Variants in TUBGCP6 observed in about 807,000 individuals in gnomAD.
TUBGCP6 encodes the protein tubulin gamma complex component 6, also known as gamma-tubulin complex component 6.
In TUBGCP6, 161 loss-of-function variants were observed where a neutral mutation model predicts 175.8. The observed-to-expected ratio is 0.92, with a 90% confidence interval of 0.81 to 1.04. TUBGCP6 has a LOEUF of 1.04. Ranked by LOEUF, TUBGCP6 falls within the 50% of genes least tolerant of loss-of-function variation. The probability of loss-of-function intolerance (pLI) is 0.00; values close to 1 mark genes in which losing one functional copy is unlikely to be tolerated. For missense variants in TUBGCP6, 2,572 were observed against 2,433.0 expected (o/e 1.06, Z -1.20); for synonymous variants, 1,173 against 1,030.5 (o/e 1.14, Z -2.65).
rs1223878274 is a variant in TUBGCP6, at chr22:50,219,127, A to G, written c.4567T>C (p.Phe1523Leu). ...LEAHYEALRH[F>L]LLMEDGEFAQ... ...AACTCGCCGTCCTCCATCAGCAGGA[A>G]GTGCCGCAGTGCCTCATAGTGCGCC... The change falls in exon 20 of 25, where the codon TTC becomes CTC. Residue 1523 changes from phenylalanine (F) to leucine (L), a missense_variant. Coordinates refer to ENST00000248846, the MANE Select transcript of TUBGCP6 (RefSeq NM_020461.4). 1.2e-6 allele frequency: 2 copies of G among 1,613,158 alleles called. No individual in the cohort carries two copies. The highest frequency in any genetic ancestry group is 2.2e-5 in the East Asian group (1 of 44,880).
chr22:50,225,929 C>A lies in TUBGCP6; in HGVS notation c.1848G>T (p.Trp616Cys). The A allele has an allele frequency of 6.2e-7, 1 of 1,613,556 alleles. No homozygotes were observed. The highest frequency in any genetic ancestry group is 1.3e-5 in the African/African-American group (1 of 74,904). Residue 616 changes from tryptophan (W) to cysteine (C), a missense_variant, in exon 10 of 25, where the codon TGG becomes TGT. By Grantham distance (215) the Trp-to-Cys change is radical (BLOSUM62 -2). Coordinates refer to ENST00000248846, the MANE Select transcript of TUBGCP6 (RefSeq NM_020461.4). Reference protein sequence around the residue: ...KLCCPRHYLCWSDVPVPRISV... With the variant: ...KLCCPRHYLCCSDVPVPRISV... ...AGATCCGGGGGACAGGGACGTCGGA[C>A]CAACAGAGGTAATGCTGCCAAAGGG...
rs370051315 is a variant in TUBGCP6 at position 50,240,105 on chromosome 22, T to C, written c.905+99A>G. On this transcript the variant is annotated intron_variant, in intron 2 of 24. Coordinates refer to ENST00000248846, the MANE Select transcript of TUBGCP6 (RefSeq NM_020461.4). ...AGGTTACTAACCCATCACAACTGCC[T>C]GGACCCCTGAGTACACAACGCCCCC... is the stretch of plus-strand genomic sequence containing the variant. 430 of 1,526,898 alleles carry C rather than the reference T, an allele frequency of 2.8e-4. 2 individuals carry two copies. In the African/African-American group the frequency reaches 4.8e-3, roughly 17 times the overall value. 94.6% of individuals were successfully genotyped at this position (1,526,898 alleles called of 1,614,324 possible).
chr22:50,217,861 A>C (rs750319436), intron 24 of TUBGCP6, 34 bp from the exon 25 acceptor site: 8 of 1,611,626 alleles, frequency 5.0e-6, no homozygotes, highest in South Asian at 2.2e-5. Flanking sequence ...GCTTTTGCCC[A>C]CAGTGTGAGC....
At chr22:50,229,049 G>A (rs1308829957) in intron 4 of TUBGCP6, among the ~76,000 whole-genome samples, 1 of 152,176 alleles carries the variant, frequency 6.6e-6, no homozygotes, top group Non-Finnish European at 1.5e-5. Context: ...CCCAACAGGA[G>A]GGCCCTGCGC....
In TUBGCP6 at chr22:50,225,688, G is replaced by A. The variant is rs925126786; in HGVS notation, c.1983+106C>T. ...CCGCCAGGACAGAAAATGCCAGAAG[G>A]GAGGCCCCCATCTTGCACAGCCCTC... On this transcript the variant is annotated intron_variant, in intron 10 of 24. Coordinates refer to ENST00000248846, the MANE Select transcript of TUBGCP6 (RefSeq NM_020461.4). 4 of 1,422,242 alleles carry A rather than the reference G, an allele frequency of 2.8e-6. No individual in the cohort carries two copies. The African/African-American group carries it at 4.3e-5, about 15-fold the overall frequency. 88.1% of individuals were successfully genotyped at this position (1,422,242 alleles called of 1,614,324 possible).
At chr22:50,240,021 G>T in intron 2 of TUBGCP6, 183 bp downstream of exon 2, 1 of 800,538 alleles carries the variant, frequency 1.2e-6, no homozygotes, top group Non-Finnish European at 2.0e-6. Flanking sequence ...GGCTGTTAGT[G>T]CTTTCCCCTC....
chr22:50,220,224 C>T (rs780176554), intron 16 of TUBGCP6, 27 bp downstream of exon 16: 6 of 1,544,558 alleles, frequency 3.9e-6, no homozygotes, highest in South Asian at 2.5e-5. Flanking sequence ...CAGTCCCACT[C>T]CTGACCACCA....
In TUBGCP6 at chr22:50,224,205, G is replaced by C. The variant is rs139968102; in HGVS notation, c.2206C>G (p.Arg736Gly). 6.2e-7 allele frequency: 1 copy of C among 1,614,064 alleles called. No homozygotes were observed. The highest frequency in any genetic ancestry group is 2.2e-5 in the East Asian group (1 of 44,884). ...EELDDDFSYA[R>G]ELRDRERRLK... ...CTTCTCTCCCTGTCTCGGAGTTCAC[G>C]GGCGTAGCTGAAGTCATCATCCAGC... Residue 736 changes from arginine (R) to glycine (G), a missense_variant, in exon 13 of 25, where the codon CGT (arginine) becomes GGT (glycine). Physicochemically the swap from Arg to Gly is moderately radical, Grantham distance 125. Coordinates refer to ENST00000248846, the MANE Select transcript of TUBGCP6 (RefSeq NM_020461.4).
Position 50,221,655 on chromosome 22 carries a change from C to G in TUBGCP6, c.2704G>C (p.Val902Leu), listed in dbSNP as rs536391551. The change falls in exon 16 of 25, where the codon GTG becomes CTG. Residue 902 changes from valine (V) to leucine (L), a missense_variant. Val to Leu is a conservative substitution (Grantham distance 32). Transcript: ENST00000248846. Reference protein sequence around the residue: ...DSLSIGDFLPVGPGAEPSVQT... With the variant: ...DSLSIGDFLPLGPGAEPSVQT... ...ACGGACGGCTCAGCCCCTGGGCCCA[C>G]AGGTAGGAAGTCTCCAATGCTGAGG... The G allele has an allele frequency of 5.3e-6, 8 of 1,523,404 alleles. No individual in the cohort carries two copies. In the African/African-American group the frequency reaches 9.7e-5, roughly 18 times the overall value. 94.4% of individuals were successfully genotyped at this position (1,523,404 alleles called of 1,614,324 possible). A position where few individuals can be genotyped will look rare whatever the true frequency, so the allele number is the denominator to read the frequency against.
chr22:50,222,096 G>C lies in TUBGCP6; in HGVS notation c.2416C>G (p.Leu806Val). The change falls in exon 15 of 25, where the codon CTG (leucine) becomes GTG (valine). Residue 806 changes from leucine to valine, a missense_variant. Leu to Val is a conservative substitution (Grantham distance 32). Transcript: ENST00000248846. Reference sequence around the variant, plus strand: ...TGGTGAGCCTCAGACACTGCTTTCAGCATCTCCTGAAATTCAAGCCAGAGG... The same window carrying C: ...TGGTGAGCCTCAGACACTGCTTTCACCATCTCCTGAAATTCAAGCCAGAGG... ...LEDEKHIQEMLKAVSEAHQPQ... is the reference protein window; with the variant it reads ...LEDEKHIQEMVKAVSEAHQPQ... 6.2e-7 allele frequency: 1 copy of C among 1,613,578 alleles called. No individual in the cohort carries two copies. Among genetic ancestry groups the C allele is most frequent in the Non-Finnish European group, 8.5e-7 (1 of 1,179,958 alleles).
rs1339730761 is a variant in TUBGCP6 at position 50,244,910 on chromosome 22, G to T, written c.-451C>A. 9.6e-6 allele frequency: 2 copies of T among 208,244 alleles called. No homozygotes were observed. Among genetic ancestry groups the T allele is most frequent in the Admixed American group, 1.1e-4 (2 of 18,780 alleles). 12.9% of individuals were successfully genotyped at this position (208,244 alleles called of 1,614,324 possible). A position where few individuals can be genotyped will look rare whatever the true frequency, so the allele number is the denominator to read the frequency against. On this transcript the variant is annotated 5_prime_UTR_variant, in exon 1 of 25. Transcript: ENST00000248846. Reference sequence around the variant, plus strand: ...CAGCGGAGAGTCTGGGGGCTCAGCCGGGTGGGTCCCGGGTTCTGGCCTGCA... The same window carrying T: ...CAGCGGAGAGTCTGGGGGCTCAGCCTGGTGGGTCCCGGGTTCTGGCCTGCA...
intron 1 of TUBGCP6, among the ~76,000 whole-genome samples, chr22:50,242,268 G>A (rs1166929924): frequency 6.6e-6 from 1 of 151,872 alleles, no homozygotes; most frequent in Non-Finnish European, 1.5e-5. Context: ...CTCGAGCCTG[G>A]GCGACAGAGC....
At chr22:50,236,764 A>C (rs1041119800) in intron 2 of TUBGCP6, among the ~76,000 whole-genome samples, 1 of 152,170 alleles carries the variant, frequency 6.6e-6, no homozygotes, top group Non-Finnish European at 1.5e-5. Flanking sequence ...GAGCATGAGA[A>C]AGACACAGCC....
At chr22:50,233,560 A>G (rs1434216928) in intron 2 of TUBGCP6, 34 bp from the exon 3 acceptor site, 1 of 1,564,132 alleles carries the variant, frequency 6.4e-7, no homozygotes, top group Non-Finnish European at 8.7e-7. Flanking sequence ...CCATGAGCAG[A>G]CGTGGTGACC....
chr22:50,229,413 G>C lies in TUBGCP6; in HGVS notation c.1281C>G (p.Leu427=). 1 of 1,613,414 alleles carries C rather than the reference G, an allele frequency of 6.2e-7. No homozygotes were observed. Among genetic ancestry groups the C allele is most frequent in the Non-Finnish European group, 8.5e-7 (1 of 1,179,782 alleles). Residue 427 remains leucine, a synonymous_variant, in exon 4 of 25, where the codon CTC becomes CTG. Transcript: ENST00000248846. ...GAGGCAAAGGCCATACCTGGAACAC[G>C]AGGCCCTTGCTGTACAAAGAGTCCA... ...PVLDSLYSKG[L]VFQAFTSGLR...
rs777518567 is a variant in TUBGCP6 at position 50,233,384 on chromosome 22, A to G, written c.1048T>C (p.Cys350Arg). The G allele has an allele frequency of 5.6e-6, 9 of 1,613,804 alleles. No homozygotes were observed. The highest frequency in any genetic ancestry group is 1.3e-5 in the African/African-American group (1 of 74,894). Residue 350 changes from cysteine (C) to arginine (R), a missense_variant, in exon 3 of 25, where the codon TGC becomes CGC. Coordinates refer to ENST00000248846, the MANE Select transcript of TUBGCP6 (RefSeq NM_020461.4). ...TTCAGCACGTCTTTCACCAGCTCGCACTCCTTCACCAGCACGGGCTGCGGG... is the reference window on the plus strand; with the variant it reads ...TTCAGCACGTCTTTCACCAGCTCGCGCTCCTTCACCAGCACGGGCTGCGGG... ...QAPQPVLVKECELVKDVLNVL... is the reference protein window; with the variant it reads ...QAPQPVLVKERELVKDVLNVL...
In TUBGCP6 at chr22:50,227,099, G is replaced by A. The variant is rs543564728; in HGVS notation, c.1413-22C>T. 37 of 1,599,504 alleles carry A rather than the reference G, an allele frequency of 2.3e-5. No homozygotes were observed. The Middle Eastern group carries it at 5.0e-4, about 22-fold the overall frequency. On this transcript the variant is annotated intron_variant, in intron 5 of 24. Coordinates refer to ENST00000248846, the MANE Select transcript of TUBGCP6 (RefSeq NM_020461.4). ...GTACCTAGACCCAGAGGCAGGATGA[G>A]ACCAGGTGACCGGGCTCAGGGTTCC...
intron 20 of TUBGCP6, 41 bp downstream of exon 20, chr22:50,219,027 C>T (rs777119989): frequency 1.2e-6 from 2 of 1,607,972 alleles, no homozygotes; most frequent in South Asian, 1.1e-5. Context: ...TTCCCACGGC[C>T]TCCCCTCTAC....
chr22:50,221,936 C>G, intron 15 of TUBGCP6, 62 bp from the exon 16 acceptor site: 1 of 1,571,384 alleles, frequency 6.4e-7, no homozygotes, highest in South Asian at 1.2e-5. Flanking sequence ...TCGAACTGTC[C>G]CCCAAGTTCA....
Sources: gnomAD v4.1 joint callset for allele counts (sites outside exome capture counted in the v4.1 genomes callset) on GRCh38, gnomAD v4.1.1 for gene constraint, MANE v1.5 for transcripts, NCBI Gene and HGNC (gene_info 2026-07-23, HGNC 2026-07-21) for gene names.